The following DNAH6 variants were observed in gnomAD, a reference collection of about 807,000 sequenced individuals.
The protein encoded by DNAH6 is axonemal beta dynein heavy chain 6.
Under a neutral mutation model 491.4 loss-of-function variants are expected in DNAH6, and 340 were observed. The ratio of observed to expected loss-of-function variants is 0.69; its 90% confidence interval spans 0.63 to 0.76. The LOEUF (loss-of-function observed/expected upper bound fraction) is 0.76. DNAH6 is among the 30% of genes least tolerant of loss of function. DNAH6 has a pLI of 0.00. For missense variants in DNAH6, 4,443 were observed against 4,972.2 expected (o/e 0.89, Z 3.20); for synonymous variants, 1,603 against 1,686.1 (o/e 0.95, Z 1.21).
chr2:84,798,216 C>T (rs1678523557), intron 70 of DNAH6, among the ~76,000 whole-genome samples: 1 of 152,200 alleles, frequency 6.6e-6, no homozygotes. Context: ...GTAGTCCAAG[C>T]TCTTCAGCAT....
intron 41 of DNAH6, 25 bp from the exon 42 acceptor site, chr2:84,681,332 T>C (rs773716992): frequency 1.3e-6 from 2 of 1,482,150 alleles, no homozygotes; most frequent in Non-Finnish European, 1.8e-6. Context: ...AATCTAATCC[T>C]CTCATATTAT....
At position 84,809,999 on chromosome 2, in the gene DNAH6, G is replaced by A. The variant is rs372809996; in HGVS notation, c.11739+1457G>A. Among the ~76,000 whole-genome samples, 17 of 152,208 alleles carry A rather than the reference G, an allele frequency of 1.1e-4. No homozygotes were observed. In the East Asian group the frequency reaches 2.9e-3, roughly 26 times the overall value. ...CTATGTGCCCAGCTAACACTAAGGAGGTGCTTTTGTTCTGAGGAACACCAG... is the reference window on the plus strand; with the variant it reads ...CTATGTGCCCAGCTAACACTAAGGAAGTGCTTTTGTTCTGAGGAACACCAG... On this transcript the variant is annotated intron_variant, in intron 72 of 76. Coordinates refer to ENST00000389394, the MANE Select transcript of DNAH6 (RefSeq NM_001370.2).
Position 84,654,700 on chromosome 2 carries a change from G to T in DNAH6, c.5675G>T (p.Arg1892Leu). ...GTTGCCTCCCCTGCAACAGTCAGTCGATGTGGAATGGTGTTTGTGGATCCT... is the reference window on the plus strand; with the variant it reads ...GTTGCCTCCCCTGCAACAGTCAGTCTATGTGGAATGGTGTTTGTGGATCCT... ...LRVASPATVSRCGMVFVDPEE... is the reference protein window; with the variant it reads ...LRVASPATVSLCGMVFVDPEE... Residue 1892 changes from arginine to leucine, a missense_variant, in exon 35 of 77, where the codon CGA (arginine) becomes CTA (leucine). Coordinates refer to ENST00000389394, the MANE Select transcript of DNAH6 (RefSeq NM_001370.2). The T allele has an allele frequency of 6.4e-7, 1 of 1,551,128 alleles. No homozygotes were observed. The highest frequency in any genetic ancestry group is 8.7e-7 in the Non-Finnish European group (1 of 1,146,440).
In DNAH6 at chr2:84,733,448, G is replaced by T. The variant is rs933948898; in HGVS notation, c.10211G>T (p.Arg3404Leu). 1 of 1,549,782 alleles carries T rather than the reference G, an allele frequency of 6.5e-7. No homozygotes were observed. The change falls in exon 62 of 77, where the codon CGC becomes CTC. Residue 3404 changes from arginine to leucine, a missense_variant. Transcript: ENST00000389394. The stretch of plus-strand genomic sequence containing the variant: ...TCATTTTCTGTCTTCAAACAGGAAC[G>T]CCCACCTAAGCCTGAAGCTCCCTGG... ...LRGSAGLEKE[R>L]PPKPEAPWLP... is the part of the protein sequence containing the mutation.
intron 63 of DNAH6, among the ~76,000 whole-genome samples, chr2:84,755,243 G>T (rs918424865): frequency 6.6e-6 from 1 of 152,162 alleles, no homozygotes; most frequent in Non-Finnish European, 1.5e-5. Context: ...ATAAAAGCAA[G>T]TTTGGGCCTC....
At chr2:84,696,217 AT>A (rs1432838920) in intron 46 of DNAH6, among the ~76,000 whole-genome samples, 3 of 151,940 alleles carry the variant, frequency 2.0e-5, no homozygotes, top group Admixed American at 2.0e-4. Context: ...ATACTACTGA[AT>A]GTTTACAAAA....
At chr2:84,611,885 G>A in intron 22 of DNAH6, 31 bp downstream of exon 22, 1 of 1,539,058 alleles carries the variant, frequency 6.5e-7, no homozygotes, top group Non-Finnish European at 8.8e-7. Context: ...CAAGCAAAAA[G>A]ACTACAATCT....
At chr2:84,622,409 T>C (rs1260556591) in intron 26 of DNAH6, among the ~76,000 whole-genome samples, 1 of 152,048 alleles carries the variant, frequency 6.6e-6, no homozygotes, top group Non-Finnish European at 1.5e-5. Flanking sequence ...AGCACACAGC[T>C]AATTATTTTT....
chr2:84,603,658 C>G (rs1461027413), intron 18 of DNAH6, among the ~76,000 whole-genome samples: 4 of 152,106 alleles, frequency 2.6e-5, no homozygotes, highest in Admixed American at 2.6e-4. Flanking sequence ...TAGTGCTGAG[C>G]CTAGCACTTA....
chr2:84,665,002 G>A (rs1322657533), intron 37 of DNAH6, among the ~76,000 whole-genome samples: 1 of 152,076 alleles, frequency 6.6e-6, no homozygotes, highest in African/African-American at 2.4e-5. Context: ...ATGACTACTG[G>A]GTACATAATG....
rs755798935 is a variant in DNAH6 at position 84,733,520 on chromosome 2, T to C, written c.10283T>C (p.Phe3428Ser). The C allele has an allele frequency of 6.4e-7, 1 of 1,551,598 alleles. No individual in the cohort carries two copies. The highest frequency in any genetic ancestry group is 1.2e-5 in the South Asian group (1 of 84,058). The change falls in exon 62 of 77, where the codon TTT becomes TCT. Residue 3428 changes from phenylalanine to serine, a missense_variant. Physicochemically the swap from Phe to Ser is radical, Grantham distance 155 (BLOSUM62 -2). Around this residue, in one of 3 missense-constraint regions of DNAH6, gnomAD observed 1,463 missense variants for 1,656.6 expected, o/e 0.88. Coordinates refer to ENST00000389394, the MANE Select transcript of DNAH6 (RefSeq NM_001370.2). ...GCATGCTGTGACTTGGAAGAATCAT[T>C]TCCAGTTTTTCACGGACTTACCCAA... ...WFACCDLEES[F>S]PVFHGLTQNI... is the part of the protein sequence containing the mutation.
At chr2:84,646,272 C>T (rs1459998988) in intron 33 of DNAH6, among the ~76,000 whole-genome samples, 1 of 152,138 alleles carries the variant, frequency 6.6e-6, no homozygotes, top group African/African-American at 2.4e-5. Flanking sequence ...TCTGACTGCT[C>T]CACAGACAGC....
intron 32 of DNAH6, 111 bp from the exon 33 acceptor site, chr2:84,641,836 C>T (rs1689437016): frequency 1.2e-6 from 1 of 801,738 alleles, no homozygotes; most frequent in African/African-American, 1.8e-5. Context: ...ATGATCTTCT[C>T]CTTCTAACAG....
At chr2:84,635,077 C>T (rs1015403634) in intron 30 of DNAH6, among the ~76,000 whole-genome samples, 4 of 152,130 alleles carry the variant, frequency 2.6e-5, no homozygotes, top group Admixed American at 6.6e-5. Flanking sequence ...GAGCCCCAGA[C>T]GTCCTCTCGA....
chr2:84,788,823 G>A (rs1212147079), intron 68 of DNAH6, among the ~76,000 whole-genome samples: 1 of 152,170 alleles, frequency 6.6e-6, no homozygotes, highest in African/African-American at 2.4e-5. Context: ...AGCAACAAAT[G>A]TCCCAAAGTA....
At chr2:84,576,880 A>C (rs1478145099) in intron 12 of DNAH6, among the ~76,000 whole-genome samples, 1 of 152,164 alleles carries the variant, frequency 6.6e-6, no homozygotes, top group Non-Finnish European at 1.5e-5. Context: ...TATTCTCAAA[A>C]TGCTTTACTT....
At chr2:84,474,481 A>C in the DNAH6 span, among the ~76,000 whole-genome samples, 5 of 152,282 alleles carry the variant, frequency 3.3e-5, no homozygotes, top group African/African-American at 1.2e-4. Context: ...TGTTTGTCCT[A>C]TTAACTCTAA....
chr2:84,697,520 A>C, intron 46 of DNAH6, 55 bp from the exon 47 acceptor site: 1 of 1,455,196 alleles, frequency 6.9e-7, no homozygotes, highest in Non-Finnish European at 9.2e-7. Context: ...TATTTGCTTT[A>C]TAATAAATGG....
intron 16 of DNAH6, among the ~76,000 whole-genome samples, chr2:84,593,730 C>T (rs1284708686): frequency 6.6e-6 from 1 of 151,774 alleles, no homozygotes; most frequent in African/African-American, 2.4e-5. Context: ...TATTTAAGTT[C>T]TAAGTTCTAA....
Sources: gnomAD v4.1 joint callset for allele counts (sites outside exome capture counted in the v4.1 genomes callset) on GRCh38, gnomAD v4.1.1 for gene constraint, gnomAD v4.1.1 regional missense constraint, MANE v1.5 for transcripts, NCBI Gene and HGNC (gene_info 2026-07-23, HGNC 2026-07-21) for gene names.